The following SPIDR variants were observed in gnomAD, a reference collection of about 807,000 sequenced individuals.
SPIDR encodes scaffold protein involved in DNA repair, also known as DNA repair-scaffolding protein.
Under a neutral mutation model 104.6 loss-of-function variants are expected in SPIDR, and 93 were observed. That is an observed-to-expected ratio of 0.89 (90% confidence interval 0.75 to 1.06). The LOEUF is 1.06. Among genes scored for constraint, SPIDR ranks in the 50% least tolerant of loss-of-function variants. The pLI is 0.00. For synonymous variants in SPIDR, 431 were observed against 416.9 expected, an observed-to-expected ratio of 1.03 and a Z score of -0.41; for missense variants, 1,154 against 1,111.2, an observed-to-expected ratio of 1.04 and a Z score of -0.55.
chr8:47,318,460 A>G (rs1229287282), intron 5 of SPIDR, among the ~76,000 whole-genome samples: 8 of 149,804 alleles, frequency 5.3e-5, no homozygotes, highest in South Asian at 2.1e-4. Context: ...GACCAAATCT[A>G]CGTCTCATTG....
chr8:47,656,695 G>A (rs755228563), intron 10 of SPIDR, among the ~76,000 whole-genome samples: 3 of 152,142 alleles, frequency 2.0e-5, no homozygotes, highest in Non-Finnish European at 4.4e-5. Context: ...GTATATCCAT[G>A]TAACTTCTAC....
intron 8 of SPIDR, among the ~76,000 whole-genome samples, chr8:47,455,890 G>C (rs1420602775): frequency 6.6e-6 from 1 of 152,014 alleles, no homozygotes; most frequent in African/African-American, 2.4e-5. Flanking sequence ...AGGAGAAATA[G>C]ATCTACGTTA....
At chr8:47,621,504 C>T (rs981926649) in intron 10 of SPIDR, among the ~76,000 whole-genome samples, 5 of 152,102 alleles carry the variant, frequency 3.3e-5, no homozygotes, top group East Asian at 3.9e-4. Context: ...TCTTATTGTG[C>T]GCGCCTCTCT....
At chr8:47,564,701 A>G (rs1440217847) in intron 8 of SPIDR, among the ~76,000 whole-genome samples, 8 of 151,734 alleles carry the variant, frequency 5.3e-5, no homozygotes, top group Non-Finnish European at 1.2e-4. Flanking sequence ...AAAAAAAAAA[A>G]GAATTCAGTA....
intron 5 of SPIDR, among the ~76,000 whole-genome samples, chr8:47,357,444 G>A (rs1268204848): frequency 6.6e-6 from 1 of 152,166 alleles, no homozygotes; most frequent in Non-Finnish European, 1.5e-5. Flanking sequence ...ACATCCACCA[G>A]GCTTAGCTCT....
chr8:47,273,481 C>T lies in SPIDR; in HGVS notation c.34-6381C>T, dbSNP rs931739440. 3.9e-5 allele frequency among the ~76,000 whole-genome samples: 6 copies of T among 152,114 alleles called. No individual in the cohort carries two copies. The East Asian group carries it at 5.8e-4, about 15-fold the overall frequency. ...ACATGAACAGGTTGAGGGCAGGTGG[C>T]GTGCTTGAAGCTTCCACGCCCTCTC... On this transcript the variant is annotated intron_variant, in intron 1 of 19. Transcript: ENST00000297423.
At chr8:47,420,796 T>A (rs2065295782) in intron 7 of SPIDR, among the ~76,000 whole-genome samples, 1 of 152,256 alleles carries the variant, frequency 6.6e-6, no homozygotes. Flanking sequence ...AGGAGCTCTT[T>A]TAGGGCAGGC....
intron 5 of SPIDR, among the ~76,000 whole-genome samples, chr8:47,385,113 A>G (rs1344172959): frequency 2.0e-5 from 3 of 152,216 alleles, no homozygotes; most frequent in Non-Finnish European, 4.4e-5. Flanking sequence ...AAAAATTTCA[A>G]TTAGAACAGT....
chr8:47,402,530 A>G (rs1229011289), intron 6 of SPIDR, among the ~76,000 whole-genome samples: 2 of 152,198 alleles, frequency 1.3e-5, no homozygotes, highest in Admixed American at 6.5e-5. Flanking sequence ...TATCACCACC[A>G]GTCCCACAGA....
chr8:47,620,989 A>G (rs1029666200), intron 10 of SPIDR, among the ~76,000 whole-genome samples: 2 of 129,056 alleles, frequency 1.5e-5, no homozygotes, highest in Admixed American at 7.7e-5. Flanking sequence ...ATGGAGTCTC[A>G]CTCTGTCACC....
chr8:47,542,521 T>G (rs2088412912), intron 8 of SPIDR, among the ~76,000 whole-genome samples: 1 of 152,154 alleles, frequency 6.6e-6, no homozygotes, highest in Admixed American at 6.5e-5. Context: ...AAGGATTTTT[T>G]TTAAAAAAAG....
intron 8 of SPIDR, among the ~76,000 whole-genome samples, chr8:47,486,246 G>T (rs1554731092): frequency 6.6e-6 from 1 of 152,072 alleles, no homozygotes; most frequent in Non-Finnish European, 1.5e-5. Flanking sequence ...TGAAAGAAAA[G>T]GTATCAGAGA....
chr8:47,677,699 C>A (rs917328665), intron 11 of SPIDR, among the ~76,000 whole-genome samples: 2 of 152,180 alleles, frequency 1.3e-5, no homozygotes, highest in Non-Finnish European at 2.9e-5. Context: ...CAAAACAGGA[C>A]AGGCAGAAGT....
intron 8 of SPIDR, among the ~76,000 whole-genome samples, chr8:47,501,226 C>T (rs1356024788): frequency 6.6e-6 from 1 of 152,166 alleles, no homozygotes; most frequent in African/African-American, 2.4e-5. Context: ...CTATAAATTA[C>T]CTTGGGCATC....
intron 10 of SPIDR, among the ~76,000 whole-genome samples, chr8:47,599,696 G>A (rs888514522): frequency 1.3e-5 from 2 of 152,332 alleles, no homozygotes; most frequent in Non-Finnish European, 2.9e-5. Context: ...ATGCAGTTAA[G>A]TGCAGACAAA....
chr8:47,467,624 C>G (rs1586211007), intron 8 of SPIDR, among the ~76,000 whole-genome samples: 1 of 152,124 alleles, frequency 6.6e-6, no homozygotes, highest in African/African-American at 2.4e-5. Flanking sequence ...ATGATTATCT[C>G]AATAGATGCA....
At chr8:47,289,968 A>G (rs2154236747) in intron 3 of SPIDR, among the ~76,000 whole-genome samples, 1 of 152,312 alleles carries the variant, frequency 6.6e-6, no homozygotes, top group African/African-American at 2.4e-5. Flanking sequence ...TTAGATGAAT[A>G]TCTAGGAAAT....
chr8:47,381,072 C>T (rs2059269093), intron 5 of SPIDR, among the ~76,000 whole-genome samples: 1 of 152,144 alleles, frequency 6.6e-6, no homozygotes, highest in South Asian at 2.1e-4. Context: ...AAGTTCTTAA[C>T]GCGTAAACAG....
intron 5 of SPIDR, among the ~76,000 whole-genome samples, chr8:47,301,454 A>G (rs2042075548): frequency 6.6e-6 from 1 of 152,192 alleles, no homozygotes; most frequent in Non-Finnish European, 1.5e-5. Flanking sequence ...ATTTAAGGTT[A>G]CTACTGTTAT....
Sources: allele counts gnomAD v4.1 joint callset (sites outside exome capture counted in the v4.1 genomes callset), GRCh38; gene constraint gnomAD v4.1.1; transcripts MANE v1.5; gene names NCBI Gene and HGNC (gene_info 2026-07-23, HGNC 2026-07-21).